ZC3H3: variants seen among roughly 807,000 people sequenced by gnomAD.
ZC3H3 encodes the protein zinc finger CCCH domain-containing protein 3.
A neutral mutation model predicts 77.3 loss-of-function variants in ZC3H3; 36 were observed. The observed-to-expected ratio is 0.47, with a 90% CI of 0.36 to 0.61. The LOEUF (loss-of-function observed/expected upper bound fraction) is 0.61. Among genes scored for constraint, ZC3H3 ranks in the 20% least tolerant of loss-of-function variants. The pLI is 0.00. For missense variants in ZC3H3, 1,331 were observed against 1,312.2 expected, an observed-to-expected ratio of 1.01 and a Z score of -0.22; for synonymous variants, 626 against 555.2, an observed-to-expected ratio of 1.13 and a Z score of -1.79.
At chr8:143,513,785 C>G (rs1821946723) in intron 3 of ZC3H3, among the ~76,000 whole-genome samples, 1 of 152,226 alleles carries the variant, frequency 6.6e-6, no homozygotes, top group African/African-American at 2.4e-5. Context: ...ATGCCCTTCC[C>G]TGCATAGCCA....
At chr8:143,523,308 C>T (rs1398287689) in intron 3 of ZC3H3, 13 of 985,268 alleles carry the variant, frequency 1.3e-5, no homozygotes, top group Non-Finnish European at 1.6e-5. Flanking sequence ...CACGATGAAA[C>T]CAAGCTCACC....
At chr8:143,523,020 GC>G (rs1822300279) in intron 3 of ZC3H3, among the ~76,000 whole-genome samples, 1 of 152,196 alleles carries the variant, frequency 6.6e-6, no homozygotes, top group Admixed American at 6.5e-5. Flanking sequence ...CAGAACCTGA[GC>G]CCCCTCATCC....
At position 143,497,497 on chromosome 8, in the gene ZC3H3, G is replaced by A. The variant is rs1026945764; in HGVS notation, c.1715+10249C>T. On this transcript the variant is annotated intron_variant, in intron 4 of 11. Transcript: ENST00000262577. ...TGAGCCACAGAGCAGTACCACCTCC[G>A]ACAGGCAACAGCCCAGGACCAGCAC... 5.9e-5 allele frequency among the ~76,000 whole-genome samples: 9 copies of A among 152,336 alleles called. No individual in the cohort carries two copies. The South Asian group carries it at 6.2e-4, about 11-fold the overall frequency.
chr8:143,473,320 G>GA (rs1563847091), intron 5 of ZC3H3, among the ~76,000 whole-genome samples: 1 of 152,074 alleles, frequency 6.6e-6, no homozygotes, highest in East Asian at 1.9e-4. Flanking sequence ...TGTCCCTTCT[G>GA]GGCCCTCTCA....
rs747008256 is a variant in ZC3H3, at chr8:143,538,556, C to T, written c.811G>A (p.Asp271Asn). 5.2e-5 allele frequency: 83 copies of T among 1,611,426 alleles called. 1 individual carries two copies. In the East Asian group the frequency reaches 1.8e-3, roughly 35 times the overall value. Residue 271 changes from aspartate (D) to asparagine (N), a missense_variant, in exon 2 of 12, where the codon GAT becomes AAT. Coordinates refer to ENST00000262577, the MANE Select transcript of ZC3H3 (RefSeq NM_015117.3). Reference protein sequence around the residue: ...GDRRVDAGHTDQPVPSGSVGG... With the variant: ...GDRRVDAGHTNQPVPSGSVGG... Reference sequence around the variant, plus strand: ...ACTGAGCCAGACGGAACTGGCTGATCTGTGTGGCCAGCATCTACTCTCCTG... The same window carrying T: ...ACTGAGCCAGACGGAACTGGCTGATTTGTGTGGCCAGCATCTACTCTCCTG...
At chr8:143,470,887 A>G (rs1211183410) in intron 5 of ZC3H3, among the ~76,000 whole-genome samples, 1 of 152,214 alleles carries the variant, frequency 6.6e-6, no homozygotes, top group East Asian at 1.9e-4. Flanking sequence ...GCAGCTCCAC[A>G]GCAGAAGGCG....
chr8:143,481,687 G>T (rs1275396450), intron 4 of ZC3H3, among the ~76,000 whole-genome samples: 7 of 152,336 alleles, frequency 4.6e-5, no homozygotes, highest in Middle Eastern at 3.4e-3. Context: ...TCGTGTTGTC[G>T]CTCTGCACCT....
At chr8:143,459,452 G>A (rs550707470) in intron 9 of ZC3H3, among the ~76,000 whole-genome samples, 1 of 152,296 alleles carries the variant, frequency 6.6e-6, no homozygotes, top group East Asian at 1.9e-4. Flanking sequence ...ATGAGGCTGA[G>A]GCAGGAGAAT....
intron 9 of ZC3H3, among the ~76,000 whole-genome samples, chr8:143,450,013 C>T (rs1289450166): frequency 6.6e-6 from 1 of 152,198 alleles, no homozygotes; most frequent in Non-Finnish European, 1.5e-5. Context: ...CTCTCCTCAT[C>T]TTGCTGTCTT....
At chr8:143,468,308 A>T in intron 7 of ZC3H3, 30 bp from the exon 8 acceptor site, 1 of 1,612,498 alleles carries the variant, frequency 6.2e-7, no homozygotes, top group Non-Finnish European at 8.5e-7. Flanking sequence ...GGGTATGAGG[A>T]AGGGCCGGCA....
chr8:143,532,577 C>T (rs1187728437), intron 3 of ZC3H3, among the ~76,000 whole-genome samples: 1 of 152,230 alleles, frequency 6.6e-6, no homozygotes, highest in African/African-American at 2.4e-5. Flanking sequence ...AACGAACACC[C>T]CAGCCGATGG....
intron 1 of ZC3H3, 73 bp downstream of exon 1, chr8:143,541,303 A>G: frequency 6.3e-6 from 10 of 1,587,532 alleles, no homozygotes; most frequent in Non-Finnish European, 7.7e-6. Flanking sequence ...CCCCTTCGAC[A>G]AGGGGGCAGG....
chr8:143,540,503 T>C (rs767916498), intron 1 of ZC3H3, among the ~76,000 whole-genome samples: 2 of 152,230 alleles, frequency 1.3e-5, no homozygotes, highest in Non-Finnish European at 2.9e-5. Flanking sequence ...GTGCTGGGAT[T>C]ACAGGTGTGG....
intron 10 of ZC3H3, 130 bp downstream of exon 10, chr8:143,440,806 G>T: frequency 9.3e-7 from 1 of 1,076,464 alleles, no homozygotes; most frequent in Non-Finnish European, 1.2e-6. Flanking sequence ...GCCTTGGATA[G>T]GGATTTCTTT....
chr8:143,502,721 G>C (rs1160940990), intron 4 of ZC3H3, among the ~76,000 whole-genome samples: 1 of 152,228 alleles, frequency 6.6e-6, no homozygotes, highest in Non-Finnish European at 1.5e-5. Flanking sequence ...TCAGATTAAT[G>C]AACTTGCTGG....
chr8:143,492,368 C>T (rs1821232041), intron 4 of ZC3H3, among the ~76,000 whole-genome samples: 1 of 152,094 alleles, frequency 6.6e-6, no homozygotes, highest in Admixed American at 6.5e-5. Flanking sequence ...CAGCATCAGG[C>T]CACTCCCAGG....
At chr8:143,442,426 G>A (rs1819767511) in intron 9 of ZC3H3, among the ~76,000 whole-genome samples, 1 of 36,388 alleles carries the variant, frequency 2.7e-5, no homozygotes, top group African/African-American at 1.1e-4. Flanking sequence ...GCGGGGGCAA[G>A]GCCTCCGGGG....
chr8:143,498,165 G>A (rs1297895547), intron 4 of ZC3H3, among the ~76,000 whole-genome samples: 1 of 152,202 alleles, frequency 6.6e-6, no homozygotes, highest in African/African-American at 2.4e-5. Flanking sequence ...CTGCCTGGGG[G>A]ACCCTGGAAA....
intron 4 of ZC3H3, among the ~76,000 whole-genome samples, chr8:143,483,617 C>A (rs561409632): frequency 6.6e-6 from 1 of 152,184 alleles, no homozygotes; most frequent in African/African-American, 2.4e-5. Context: ...ACCCTGCCCC[C>A]ACGATCTCAG....
Sources: gnomAD v4.1 joint callset for allele counts (sites outside exome capture counted in the v4.1 genomes callset) on GRCh38, gnomAD v4.1.1 for gene constraint, MANE v1.5 for transcripts, NCBI Gene and HGNC (gene_info 2026-07-23, HGNC 2026-07-21) for gene names.